Variants in ZNF248 observed in about 807,000 individuals in gnomAD.
ZNF248 encodes the protein KRAB protein domain.
A neutral mutation model predicts 44.3 loss-of-function variants in ZNF248; 20 were observed. That is an observed-to-expected ratio of 0.45 (90% confidence interval 0.32 to 0.66). The LOEUF is 0.66. ZNF248 is among the 30% of genes least tolerant of loss of function. The pLI is 0.04. For synonymous variants in ZNF248, 224 were observed against 229.0 expected (o/e 0.98, Z 0.20); for missense variants, 654 against 677.0 (o/e 0.97, Z 0.38).
chr10:37,819,648 C>T, intron 6 of ZNF248: 1 of 804,332 alleles, frequency 1.2e-6, no homozygotes, highest in Non-Finnish European at 2.3e-6. Context: ...TCCAGCTCTG[C>T]CTGGATCTCT....
At position 37,833,098 on chromosome 10, in the gene ZNF248, T is replaced by A. The variant is rs114578096; in HGVS notation, c.257A>T (p.Asp86Val). The A allele has an allele frequency of 1.2e-3, 1,945 of 1,590,738 alleles. 10 individuals carry two copies. Among genetic ancestry groups the A allele is most frequent in the Middle Eastern group, 9.0e-3 (53 of 5,900 alleles). The change falls in exon 6 of 6, where the codon GAT becomes GTT. Residue 86 changes from aspartate to valine, a missense_variant. Coordinates refer to ENST00000395867, the MANE Select transcript of ZNF248 (RefSeq NM_021045.3). ...QCHPERKWKV[D>V]DVLESSQENE... ...TTCCTGGCTGCTCTCTAACACGTCA[T>A]CAACTTTCCATTTCCTTTCTAGAAA...
the ZNF248 span, among the ~76,000 whole-genome samples, chr10:37,766,994 C>T: frequency 5.3e-5 from 8 of 151,394 alleles, no homozygotes; most frequent in Non-Finnish European, 1.0e-4. Flanking sequence ...TCTCAGGAGC[C>T]GATGCAATCA....
At chr10:37,815,301 T>C (rs1471984784) in intron 6 of ZNF248, among the ~76,000 whole-genome samples, 4 of 152,016 alleles carry the variant, frequency 2.6e-5, no homozygotes, top group Non-Finnish European at 5.9e-5. Flanking sequence ...TAACCTCAGG[T>C]GATCTGCCTG....
At chr10:37,800,050 AT>A (rs1448592999) in intron 6 of ZNF248, among the ~76,000 whole-genome samples, 1 of 152,146 alleles carries the variant, frequency 6.6e-6, no homozygotes, top group Non-Finnish European at 1.5e-5. Context: ...TCTATCAAAA[AT>A]AAAAATAAAA....
chr10:37,856,304 T>G lies in ZNF248; in HGVS notation c.7A>C (p.Lys3Gln), dbSNP rs751299176. The change falls in exon 3 of 6, where the codon AAA (lysine) becomes CAA (glutamine). Residue 3 changes from lysine to glutamine, a missense_variant. By Grantham distance (53) the Lys-to-Gln change is moderately conservative. Coordinates refer to ENST00000395867, the MANE Select transcript of ZNF248 (RefSeq NM_021045.3). MN[K>Q]SQEQVSFKDV... ...AGAAACAAGAATCTCACCTGGGATT[T>G]GTTCATTTTCCGCTCTTAGTGGAGG... 2 of 1,613,666 alleles carry G rather than the reference T, an allele frequency of 1.2e-6. No homozygotes were observed. Among genetic ancestry groups the G allele is most frequent in the Admixed American group, 3.3e-5 (2 of 59,958 alleles).
At chr10:37,819,484 T>C (rs2053107212) in intron 6 of ZNF248, 1 of 1,458,586 alleles carries the variant, frequency 6.9e-7, no homozygotes, top group Non-Finnish European at 9.6e-7. Context: ...TTAGTTCAAA[T>C]GCCTTGTAAA....
At chr10:37,805,872 T>C (rs2050483218) in intron 6 of ZNF248, among the ~76,000 whole-genome samples, 1 of 152,216 alleles carries the variant, frequency 6.6e-6, no homozygotes, top group Non-Finnish European at 1.5e-5. Flanking sequence ...TGTGTATACA[T>C]ACATATGGTA....
intron 5 of ZNF248, among the ~76,000 whole-genome samples, chr10:37,834,550 G>C (rs1366742882): frequency 6.6e-6 from 1 of 152,128 alleles, no homozygotes; most frequent in Non-Finnish European, 1.5e-5. Flanking sequence ...ACCCAAATTA[G>C]TAAGAGAGGC....
intron 6 of ZNF248, among the ~76,000 whole-genome samples, chr10:37,778,064 C>A (rs2046810243): frequency 6.6e-6 from 1 of 152,154 alleles, no homozygotes; most frequent in Non-Finnish European, 1.5e-5. Context: ...AATGGGATGG[C>A]TGGGTCAAAT....
Position 37,828,809 on chromosome 10 carries a change from C to T in ZNF248, c.*2806G>A. ...ATTTGGAAGAATACAGAGCTGCTTA[C>T]CTTACACCACATACAATAAGAAACA... On this transcript the variant is annotated 3_prime_UTR_variant, in exon 6 of 6. Coordinates refer to ENST00000395867, the MANE Select transcript of ZNF248 (RefSeq NM_021045.3). 1 of 985,356 alleles carries T rather than the reference C, an allele frequency of 1.0e-6. No homozygotes were observed. The highest frequency in any genetic ancestry group is 1.2e-6 in the Non-Finnish European group (1 of 829,922). The allele number at this position is 985,356 out of a possible 1,614,324, so 61.0% of individuals were successfully genotyped here.
At chr10:37,820,274 G>A (rs1351846843) in intron 6 of ZNF248, 16 of 1,380,196 alleles carry the variant, frequency 1.2e-5, no homozygotes, top group Non-Finnish European at 1.7e-5. Flanking sequence ...AATGCTCTGT[G>A]TTGCCAGATC....
the ZNF248 span, among the ~76,000 whole-genome samples, chr10:37,759,179 G>C: frequency 6.6e-6 from 1 of 152,160 alleles, no homozygotes; most frequent in African/African-American, 2.4e-5. Context: ...ACATTCCTTT[G>C]GTTGCTAGAC....
At chr10:37,800,838 T>G (rs545270855) in intron 6 of ZNF248, among the ~76,000 whole-genome samples, 2 of 152,014 alleles carry the variant, frequency 1.3e-5, no homozygotes, top group South Asian at 4.2e-4. Flanking sequence ...CTTGGCTCAC[T>G]GCAACCTCTG....
At chr10:37,787,557 G>A (rs983199283) in intron 6 of ZNF248, among the ~76,000 whole-genome samples, 17 of 151,486 alleles carry the variant, frequency 1.1e-4, no homozygotes, top group Non-Finnish European at 1.6e-4. Flanking sequence ...TGACAAAAGT[G>A]CCAAGATACT....
At chr10:37,770,324 T>C in the ZNF248 span, among the ~76,000 whole-genome samples, 9,106 of 152,294 alleles carry the variant, frequency 0.06, 346 homozygotes, top group Middle Eastern at 0.095. Context: ...AAGTCAATCC[T>C]AAGCCAAAAG....
At chr10:37,833,529 T>A (rs1376637491) in intron 5 of ZNF248, among the ~76,000 whole-genome samples, 1 of 152,094 alleles carries the variant, frequency 6.6e-6, no homozygotes, top group African/African-American at 2.4e-5. Flanking sequence ...AGAGGATGCA[T>A]TAGGTTTGGT....
At chr10:37,799,850 A>G (rs1195139131) in intron 6 of ZNF248, among the ~76,000 whole-genome samples, 3 of 152,166 alleles carry the variant, frequency 2.0e-5, no homozygotes, top group Non-Finnish European at 4.4e-5. Context: ...ATTTGTCCTC[A>G]TATTATCTAC....
At chr10:37,844,779 T>A (rs2058983563) in intron 3 of ZNF248, among the ~76,000 whole-genome samples, 1 of 151,912 alleles carries the variant, frequency 6.6e-6, no homozygotes, top group African/African-American at 2.4e-5. Context: ...CTACAAAAAA[T>A]CAGCTAAACA....
intron 6 of ZNF248, among the ~76,000 whole-genome samples, chr10:37,781,177 A>G (rs779746470): frequency 2.0e-5 from 3 of 152,124 alleles, no homozygotes; most frequent in Non-Finnish European, 2.9e-5. Context: ...CCAGATGTCT[A>G]TGGTCTTTAC....
Sources: gnomAD v4.1 joint callset for allele counts (sites outside exome capture counted in the v4.1 genomes callset) on GRCh38, gnomAD v4.1.1 for gene constraint, MANE v1.5 for transcripts, NCBI Gene and HGNC (gene_info 2026-07-23, HGNC 2026-07-21) for gene names.